KCNK3: variants seen among roughly 807,000 people sequenced by gnomAD.
KCNK3 encodes the protein potassium channel subfamily K member 3.
A neutral mutation model predicts 27.3 loss-of-function variants in KCNK3; 9 were observed. The ratio of observed to expected loss-of-function variants is 0.33; its 90% CI spans 0.20 to 0.57. The LOEUF (loss-of-function observed/expected upper bound fraction) is 0.57, where lower values mean the gene tolerates loss of function less well. Ranked by LOEUF, KCNK3 falls within the 20% of genes least tolerant of loss-of-function variation. The pLI is 0.87. For synonymous variants in KCNK3, 278 were observed against 273.8 expected, an observed-to-expected ratio of 1.02 and a Z score of -0.15; for missense variants, 391 against 577.7, an observed-to-expected ratio of 0.68 and a Z score of 3.31.
At chr2:26,696,791 C>G (rs933941257) in intron 1 of KCNK3, among the ~76,000 whole-genome samples, 1 of 152,190 alleles carries the variant, frequency 6.6e-6, no homozygotes, top group East Asian at 1.9e-4. Context: ...GCTGGTACCA[C>G]CCCCTGCTCT....
intron 1 of KCNK3, among the ~76,000 whole-genome samples, chr2:26,715,102 C>T (rs550428244): frequency 6.6e-5 from 10 of 152,330 alleles, no homozygotes; most frequent in African/African-American, 2.4e-4. Context: ...ATTCAACTAA[C>T]ATTAGTTAGA....
intron 1 of KCNK3, among the ~76,000 whole-genome samples, chr2:26,714,071 T>C (rs1269685433): frequency 2.0e-5 from 3 of 150,550 alleles, no homozygotes; most frequent in Non-Finnish European, 4.4e-5. Context: ...GCAAAACCTC[T>C]GTCTTGAAAA....
chr2:26,701,073 G>A (rs1670301839), intron 1 of KCNK3, among the ~76,000 whole-genome samples: 1 of 152,206 alleles, frequency 6.6e-6, no homozygotes, highest in South Asian at 2.1e-4. Context: ...AGCCCCCAAG[G>A]GACACTGATG....
In KCNK3 at chr2:26,703,977, G is replaced by A. The variant is rs572459298; in HGVS notation, c.283+10819G>A. 1.1e-4 allele frequency among the ~76,000 whole-genome samples: 16 copies of A among 152,324 alleles called. No individual in the cohort carries two copies. In the South Asian group the frequency reaches 3.1e-3, roughly 30 times the overall value. ...TGTGGACTTGAGTGGACAAGCACTG[G>A]AAGACAGAGGATAGGCCCGATCTGT... On this transcript the variant is annotated intron_variant, in intron 1 of 1. Transcript: ENST00000302909.
chr2:26,712,358 A>G (rs1283461627), intron 1 of KCNK3, among the ~76,000 whole-genome samples: 2 of 152,148 alleles, frequency 1.3e-5, no homozygotes, highest in African/African-American at 2.4e-5. Flanking sequence ...AGCATTTCCT[A>G]TAGGGTGCAG....
intron 1 of KCNK3, among the ~76,000 whole-genome samples, chr2:26,702,617 A>G (rs534961233): frequency 1.3e-5 from 2 of 152,218 alleles, no homozygotes; most frequent in Non-Finnish European, 2.9e-5. Context: ...CACTGCCTCA[A>G]GAGGTAGTGA....
At chr2:26,716,182 C>A (rs1663228912) in intron 1 of KCNK3, among the ~76,000 whole-genome samples, 1 of 152,190 alleles carries the variant, frequency 6.6e-6, no homozygotes, top group African/African-American at 2.4e-5. Flanking sequence ...CTTTGAATTT[C>A]AAGTTTGATT....
rs552859021 is a variant in KCNK3 at position 26,715,645 on chromosome 2, C to T, written c.284-12022C>T. Among the ~76,000 whole-genome samples, 20 of 152,330 alleles carry T rather than the reference C, an allele frequency of 1.3e-4. 1 individual carries two copies. In the South Asian group the frequency reaches 3.9e-3, roughly 30 times the overall value. ...GGCATGGGAGACTCAGGCAGGGACACGTGGCCATCTCCTCCCTGACTCCAT... is the reference window on the plus strand; with the variant it reads ...GGCATGGGAGACTCAGGCAGGGACATGTGGCCATCTCCTCCCTGACTCCAT... On this transcript the variant is annotated intron_variant, in intron 1 of 1. Transcript: ENST00000302909.
chr2:26,707,592 G>A (rs113418738), intron 1 of KCNK3, among the ~76,000 whole-genome samples: 2 of 152,070 alleles, frequency 1.3e-5, no homozygotes, highest in Non-Finnish European at 2.9e-5. Flanking sequence ...AATGTTTTGG[G>A]GCCTGGTGTG....
chr2:26,725,745 G>A (rs896346482), intron 1 of KCNK3, among the ~76,000 whole-genome samples: 1 of 152,220 alleles, frequency 6.6e-6, no homozygotes, highest in Non-Finnish European at 1.5e-5. Context: ...TGTGGAGGGG[G>A]TCAGGGGAGC....
chr2:26,724,099 A>G (rs1262764768), intron 1 of KCNK3, among the ~76,000 whole-genome samples: 1 of 152,212 alleles, frequency 6.6e-6, no homozygotes, highest in Non-Finnish European at 1.5e-5. Flanking sequence ...CTTACTTCCC[A>G]GAAGCTCCAG....
At chr2:26,713,383 G>A (rs1408222409) in intron 1 of KCNK3, among the ~76,000 whole-genome samples, 2 of 152,226 alleles carry the variant, frequency 1.3e-5, no homozygotes, top group Admixed American at 1.3e-4. Flanking sequence ...GGTGGATGGA[G>A]AGTCCACTTA....
At chr2:26,698,176 C>T (rs774370357) in intron 1 of KCNK3, among the ~76,000 whole-genome samples, 23 of 152,120 alleles carry the variant, frequency 1.5e-4, no homozygotes, top group Non-Finnish European at 3.1e-4. Flanking sequence ...TTGTTCGAGG[C>T]CTCTTTCGAC....
rs751965823 is a variant in KCNK3, at chr2:26,728,426, G to C, written c.1043G>C (p.Gly348Ala). 1.9e-6 allele frequency: 3 copies of C among 1,593,030 alleles called. No individual in the cohort carries two copies. Among genetic ancestry groups the C allele is most frequent in the Non-Finnish European group, 2.6e-6 (3 of 1,166,632 alleles). The part of the protein sequence containing the change: ...TCVEQSHSSP[G>A]GGGRYSDTPS... ...GTGGAGCAGAGCCACTCGTCGCCGG[G>C]AGGGGGCGGCCGCTACAGCGACACG... The change falls in exon 2 of 2, where the codon GGA becomes GCA. Residue 348 changes from glycine (G) to alanine (A), a missense_variant. Physicochemically the swap from Gly to Ala is moderately conservative, Grantham distance 60. This residue lies in a region of KCNK3 where 192 missense variants were observed against 196.0 expected (regional missense o/e 0.98). Coordinates refer to ENST00000302909, the MANE Select transcript of KCNK3 (RefSeq NM_002246.3).
chr2:26,720,890 C>T (rs1158280684), intron 1 of KCNK3, among the ~76,000 whole-genome samples: 1 of 152,186 alleles, frequency 6.6e-6, no homozygotes, highest in African/African-American at 2.4e-5. Context: ...CCACCCCTAC[C>T]CCAGCTCCAT....
Position 26,729,732 on chromosome 2 carries a change from A to T in KCNK3, c.*1164A>T, listed in dbSNP as rs911145189. ...TGCCTGGGAGTCCCAGCGACTTGGG[A>T]GGCTGAGGTGGGAGGATTGTTTGAG... On this transcript the variant is annotated 3_prime_UTR_variant, in exon 2 of 2. Coordinates refer to ENST00000302909, the MANE Select transcript of KCNK3 (RefSeq NM_002246.3). 1.4e-4 allele frequency: 21 copies of T among 149,870 alleles called. No individual in the cohort carries two copies. In the Admixed American group the frequency reaches 1.4e-3, roughly 10 times the overall value. The allele number at this position is 149,870 out of a possible 1,614,324, so 9.3% of individuals were successfully genotyped here. A position where few individuals can be genotyped will look rare whatever the true frequency, so the allele number is the denominator to read the frequency against.
intron 1 of KCNK3, among the ~76,000 whole-genome samples, chr2:26,701,798 G>T (rs1670310917): frequency 6.6e-6 from 1 of 152,144 alleles, no homozygotes; most frequent in African/African-American, 2.4e-5. Context: ...AAATTAGTGA[G>T]GCGTGGTGGC....
rs1432386884 is a variant in KCNK3 at position 26,732,838 on chromosome 2, T to C, written c.*4270T>C. The C allele has an allele frequency of 6.6e-6, 1 of 152,300 alleles. No individual in the cohort carries two copies. The highest frequency in any genetic ancestry group is 1.5e-5 in the Non-Finnish European group (1 of 68,076). 9.4% of individuals were successfully genotyped at this position (152,300 alleles called of 1,614,324 possible). A position where few individuals can be genotyped will look rare whatever the true frequency, so the allele number is the denominator to read the frequency against. On this transcript the variant is annotated 3_prime_UTR_variant, in exon 2 of 2. Transcript: ENST00000302909. ...CAGTGCTTGCAGGACATAAATGTGA[T>C]GACACTTGCCCTCCTTTCTTTATCG...
chr2:26,723,850 G>C (rs749953504), intron 1 of KCNK3, among the ~76,000 whole-genome samples: 3 of 152,196 alleles, frequency 2.0e-5, no homozygotes, highest in African/African-American at 7.2e-5. Context: ...AGAGTCTCCC[G>C]GTCAGAACAT....
Sources: gnomAD v4.1 joint callset for allele counts (sites outside exome capture counted in the v4.1 genomes callset) on GRCh38, gnomAD v4.1.1 for gene constraint, gnomAD v4.1.1 regional missense constraint, MANE v1.5 for transcripts, NCBI Gene and HGNC (gene_info 2026-07-23, HGNC 2026-07-21) for gene names.